The following PEX12 variants were observed in gnomAD, a reference collection of about 807,000 sequenced individuals.
PEX12 encodes the protein peroxisomal biogenesis factor 12, also known as peroxisome assembly protein 12.
PEX12 carries 31 observed loss-of-function variants against 32.5 expected under a neutral mutation model. The ratio of observed to expected loss-of-function variants is 0.95; its 90% confidence interval spans 0.72 to 1.29. The LOEUF is 1.29. Ranked by LOEUF, PEX12 falls within the 50% of genes most tolerant of loss-of-function variation. The pLI, the probability that PEX12 is intolerant of heterozygous loss-of-function variation, is 0.00. For synonymous variants in PEX12, 148 were observed against 157.2 expected (o/e 0.94, Z 0.44); for missense variants, 359 against 419.0 (o/e 0.86, Z 1.25).
At position 35,575,409 on chromosome 17, in the gene PEX12, C is replaced by A; in HGVS notation, c.*373G>T. On this transcript the variant is annotated 3_prime_UTR_variant, in exon 3 of 3. Transcript: ENST00000225873. Reference sequence around the variant, plus strand: ...GAAGTCTTGCTACCACCTCACTGTTCACTTTATTTTTTATGCGGTCTAACC... The same window carrying A: ...GAAGTCTTGCTACCACCTCACTGTTAACTTTATTTTTTATGCGGTCTAACC... 1 of 194,608 alleles carries A rather than the reference C, an allele frequency of 5.1e-6. No individual in the cohort carries two copies. The highest frequency in any genetic ancestry group is 1.1e-5 in the Non-Finnish European group (1 of 92,736). 12.1% of individuals were successfully genotyped at this position (194,608 alleles called of 1,614,324 possible).
chr17:35,577,940 T>C lies in PEX12; in HGVS notation c.82A>G (p.Ser28Gly), dbSNP rs1336483300. The change falls in exon 1 of 3, where the codon AGT (serine) becomes GGT (glycine). Residue 28 changes from serine (S) to glycine (G), a missense_variant. Transcript: ENST00000225873. ...PSIFEVVAQD[S>G]LMTAVRPALQ... ...GCGGGTCTCACTGCTGTCATTAAACTGTCCTGTGCTACCACCTCAAAGATG... is the reference window on the plus strand; with the variant it reads ...GCGGGTCTCACTGCTGTCATTAAACCGTCCTGTGCTACCACCTCAAAGATG... 1 of 1,614,216 alleles carries C rather than the reference T, an allele frequency of 6.2e-7. No homozygotes were observed. The highest frequency in any genetic ancestry group is 1.1e-5 in the South Asian group (1 of 91,076).
In PEX12 at chr17:35,578,303, G is replaced by A. The variant is rs770235047; in HGVS notation, c.-282C>T. The A allele has an allele frequency of 2.0e-5, 8 of 402,536 alleles. No individual in the cohort carries two copies. Among genetic ancestry groups the A allele is most frequent in the African/African-American group, 4.1e-5 (2 of 48,360 alleles). The allele number at this position is 402,536 out of a possible 1,614,324, so 24.9% of individuals were successfully genotyped here. On this transcript the variant is annotated 5_prime_UTR_variant, in exon 1 of 3. Coordinates refer to ENST00000225873, the MANE Select transcript of PEX12 (RefSeq NM_000286.3). Reference sequence around the variant, plus strand: ...TTGTCAAATGCTGCACGTCAGGGCAGAGCGTGACTGTGGGGGACAGGTATG... The same window carrying A: ...TTGTCAAATGCTGCACGTCAGGGCAAAGCGTGACTGTGGGGGACAGGTATG...
In PEX12 at chr17:35,576,037, T is replaced by C. The variant is rs1488665920; in HGVS notation, c.825A>G (p.Ser275=). Residue 275 remains serine (S), a synonymous_variant, in exon 3 of 3, where the codon TCA becomes TCG. Transcript: ENST00000225873. ...GTGGTGGAGTAGGCAGGGCAGTCAATGACTTGATGGTTTCTTGATTTTCAG... is the reference window on the plus strand; with the variant it reads ...GTGGTGGAGTAGGCAGGGCAGTCAACGACTTGATGGTTTCTTGATTTTCAG... ...YSSENQETIK[S]LTALPTPPPP... 1 of 1,614,158 alleles carries C rather than the reference T, an allele frequency of 6.2e-7. No homozygotes were observed. Among genetic ancestry groups the C allele is most frequent in the Non-Finnish European group, 8.5e-7 (1 of 1,180,030 alleles).
At chr17:35,576,226 T>C (rs1184810629) in intron 2 of PEX12, 45 bp from the exon 3 acceptor site, 1 of 1,571,856 alleles carries the variant, frequency 6.4e-7, no homozygotes, top group African/African-American at 1.4e-5. Context: ...AAACTTTATT[T>C]AGGTATCATT....
chr17:35,575,562 T>C lies in PEX12; in HGVS notation c.*220A>G, dbSNP rs939380551. On this transcript the variant is annotated 3_prime_UTR_variant, in exon 3 of 3. Coordinates refer to ENST00000225873, the MANE Select transcript of PEX12 (RefSeq NM_000286.3). ...TATCCCCTGCCAGTCCTGATCCTTC[T>C]ACTTTAAGCAGCTTGGTCAACTGTA... is the stretch of plus-strand genomic sequence containing the variant. The C allele has an allele frequency of 3.5e-6, 2 of 577,500 alleles. No individual in the cohort carries two copies. The highest frequency in any genetic ancestry group is 3.7e-5 in the African/African-American group (2 of 53,644). The allele number at this position is 577,500 out of a possible 1,614,324, so 35.8% of individuals were successfully genotyped here.
chr17:35,576,001 G>T lies in PEX12; in HGVS notation c.861C>A (p.His287Gln). ...TALPTPPPPVHLDYNSDSPLL... is the reference protein window; with the variant it reads ...TALPTPPPPVQLDYNSDSPLL... ...GGGGAGAATCAGAGTTATAGTCTAG[G>T]TGTACAGGTGGTGGTGGAGTAGGCA... is the stretch of plus-strand genomic sequence containing the variant. Residue 287 changes from histidine (H) to glutamine (Q), a missense_variant, in exon 3 of 3, where the codon CAC (histidine) becomes CAA (glutamine). Physicochemically the swap from His to Gln is conservative, Grantham distance 24. Coordinates refer to ENST00000225873, the MANE Select transcript of PEX12 (RefSeq NM_000286.3). 6.2e-7 allele frequency: 1 copy of T among 1,614,176 alleles called. No homozygotes were observed.
chr17:35,577,024 T>C lies in PEX12; in HGVS notation c.680+14A>G. 1 of 1,612,628 alleles carries C rather than the reference T, an allele frequency of 6.2e-7. No homozygotes were observed. Among genetic ancestry groups the C allele is most frequent in the South Asian group, 1.1e-5 (1 of 91,050 alleles). ...TTACTAACTAAAGATCTTTTGGAAA[T>C]GTTAAGGCCTTACCTCCTGGCTGGT... On this transcript the variant is annotated intron_variant, in intron 2 of 2. Transcript: ENST00000225873.
In PEX12 at chr17:35,578,394, C is replaced by A; in HGVS notation, c.-373G>T. 1 of 343,856 alleles carries A rather than the reference C, an allele frequency of 2.9e-6. No individual in the cohort carries two copies. Among genetic ancestry groups the A allele is most frequent in the Non-Finnish European group, 5.7e-6 (1 of 174,870 alleles). The allele number at this position is 343,856 out of a possible 1,614,324, so 21.3% of individuals were successfully genotyped here. A position where few individuals can be genotyped will look rare whatever the true frequency, so the allele number is the denominator to read the frequency against. Reference sequence around the variant, plus strand: ...GCCCCCTCCTCCCCAATCGTGAGAGCTCAAAAGCCAGCCGACTCTGAGGAT... The same window carrying A: ...GCCCCCTCCTCCCCAATCGTGAGAGATCAAAAGCCAGCCGACTCTGAGGAT... On this transcript the variant is annotated 5_prime_UTR_variant, in exon 1 of 3. Transcript: ENST00000225873.
rs1199292949 is a variant in PEX12 at position 35,574,931 on chromosome 17, GAAT to G, written c.*848_*850del. The G allele has an allele frequency of 6.6e-6, 1 of 152,482 alleles. No individual in the cohort carries two copies. Among genetic ancestry groups the G allele is most frequent in the African/African-American group, 2.4e-5 (1 of 41,400 alleles). The allele number at this position is 152,482 out of a possible 1,614,324, so 9.4% of individuals were successfully genotyped here. A position where few individuals can be genotyped will look rare whatever the true frequency, so the allele number is the denominator to read the frequency against. ...TTCATAGAAACTTTAGTAATAACCAGAATAATTCATGACACTTTAGCAAACTCT... is the reference window on the plus strand; with the variant it reads ...TTCATAGAAACTTTAGTAATAACCAGAATTCATGACACTTTAGCAAACTCT... On this transcript the variant is annotated 3_prime_UTR_variant, in exon 3 of 3. Coordinates refer to ENST00000225873, the MANE Select transcript of PEX12 (RefSeq NM_000286.3).
At chr17:35,576,327 G>A in intron 2 of PEX12, 146 bp from the exon 3 acceptor site, 2 of 731,566 alleles carry the variant, frequency 2.7e-6, no homozygotes, top group Non-Finnish European at 4.7e-6. Context: ...ATCTCCTTAA[G>A]GATCTATTCT....
At position 35,578,420 on chromosome 17, in the gene PEX12, T is replaced by C. The variant is rs999361292; in HGVS notation, c.-399A>G. The C allele has an allele frequency of 2.1e-5, 7 of 335,380 alleles. No individual in the cohort carries two copies. Among genetic ancestry groups the C allele is most frequent in the African/African-American group, 1.5e-4 (7 of 46,598 alleles). The allele number at this position is 335,380 out of a possible 1,614,324, so 20.8% of individuals were successfully genotyped here. A position where few individuals can be genotyped will look rare whatever the true frequency, so the allele number is the denominator to read the frequency against. ...TCAAAAGCCAGCCGACTCTGAGGAT[T>C]CAGTCGTGCCACTGTGAGCCCGGGA... On this transcript the variant is annotated 5_prime_UTR_variant, in exon 1 of 3. Transcript: ENST00000225873.
rs756528221 is a variant in PEX12 at position 35,577,972 on chromosome 17, T to C, written c.50A>G (p.Gln17Arg). ...HFTAASVADD[Q>R]PSIFEVVAQD... ...TGCTACCACCTCAAAGATGGATGGCTGGTCATCGGCCACAGAAGCAGCTGT... is the reference window on the plus strand; with the variant it reads ...TGCTACCACCTCAAAGATGGATGGCCGGTCATCGGCCACAGAAGCAGCTGT... Residue 17 changes from glutamine (Q) to arginine (R), a missense_variant, in exon 1 of 3, where the codon CAG becomes CGG. Gln to Arg is a conservative substitution (Grantham distance 43). Coordinates refer to ENST00000225873, the MANE Select transcript of PEX12 (RefSeq NM_000286.3). 1.2e-6 allele frequency: 2 copies of C among 1,614,202 alleles called. No individual in the cohort carries two copies. The highest frequency in any genetic ancestry group is 1.7e-5 in the Admixed American group (1 of 60,028).
rs767207001 is a variant in PEX12, at chr17:35,577,369, T to C, written c.349A>G (p.Ile117Val). ...GLPKQQLWKS[I>V]MFLVLLPYLK... ...TAGGGAAGAAGAACCAGGAACATAA[T>C]AGATTTCCAAAGCTGCTGCTTTGGG... Residue 117 changes from isoleucine (I) to valine (V), a missense_variant, in exon 2 of 3, where the codon ATT becomes GTT. Physicochemically the swap from Ile to Val is conservative, Grantham distance 29. Transcript: ENST00000225873. 2.3e-5 allele frequency: 37 copies of C among 1,614,018 alleles called. No individual in the cohort carries two copies. The highest frequency in any genetic ancestry group is 6.7e-5 in the East Asian group (3 of 44,890).
Position 35,578,157 on chromosome 17 carries a change from C to CA in PEX12, c.-137dup, listed in dbSNP as rs1434500198. The CA allele has an allele frequency of 1.1e-5, 12 of 1,127,076 alleles. No individual in the cohort carries two copies. Among genetic ancestry groups the CA allele is most frequent in the Admixed American group, 5.6e-5 (3 of 53,450 alleles). The allele number at this position is 1,127,076 out of a possible 1,614,324, so 69.8% of individuals were successfully genotyped here. On this transcript the variant is annotated 5_prime_UTR_variant, in exon 1 of 3. Coordinates refer to ENST00000225873, the MANE Select transcript of PEX12 (RefSeq NM_000286.3). ...TGCATGATATCTGAAACTCGAAACT[C>CA]AATCTTATGGGCAAAAATGAACTGG...
rs1297778825 is a variant in PEX12 at position 35,574,848 on chromosome 17, C to T, written c.*934G>A. The T allele has an allele frequency of 6.6e-6, 1 of 152,634 alleles. No homozygotes were observed. The highest frequency in any genetic ancestry group is 1.5e-5 in the Non-Finnish European group (1 of 68,036). 9.5% of individuals were successfully genotyped at this position (152,634 alleles called of 1,614,324 possible). On this transcript the variant is annotated 3_prime_UTR_variant, in exon 3 of 3. Transcript: ENST00000225873. ...ACCTCAAGTAATCTTTACATTTCTA[C>T]AAAATCATAACATAGTTCTTTTCCA...
In PEX12 at chr17:35,575,536, A is replaced by C; in HGVS notation, c.*246T>G. The C allele has an allele frequency of 1.9e-6, 1 of 530,566 alleles. No homozygotes were observed. 32.9% of individuals were successfully genotyped at this position (530,566 alleles called of 1,614,324 possible). A position where few individuals can be genotyped will look rare whatever the true frequency, so the allele number is the denominator to read the frequency against. ...CTGTTTAATCTCTACACTGGCCCTC[A>C]TATCCCCTGCCAGTCCTGATCCTTC... is the stretch of plus-strand genomic sequence containing the variant. On this transcript the variant is annotated 3_prime_UTR_variant, in exon 3 of 3. Coordinates refer to ENST00000225873, the MANE Select transcript of PEX12 (RefSeq NM_000286.3).
In PEX12 at chr17:35,575,945, A is replaced by C; in HGVS notation, c.917T>G (p.Leu306Arg). The change falls in exon 3 of 3, where the codon CTG becomes CGG. Residue 306 changes from leucine (L) to arginine (R), a missense_variant. Leu to Arg is a moderately radical substitution (Grantham distance 102). Coordinates refer to ENST00000225873, the MANE Select transcript of PEX12 (RefSeq NM_000286.3). ...ATCATTCACCCGGGTTTTACGACAC[A>C]GTGGGCACACAGTCTTCATTTTGGG... ...LLPKMKTVCP[L>R]CRKTRVNDTV... 1 of 1,614,194 alleles carries C rather than the reference A, an allele frequency of 6.2e-7. No individual in the cohort carries two copies. Among genetic ancestry groups the C allele is most frequent in the Non-Finnish European group, 8.5e-7 (1 of 1,180,022 alleles).
rs750345340 is a variant in PEX12, at chr17:35,577,426, G to A, written c.292C>T (p.His98Tyr). 6.2e-7 allele frequency: 1 copy of A among 1,614,176 alleles called. No homozygotes were observed. The highest frequency in any genetic ancestry group is 8.5e-7 in the Non-Finnish European group (1 of 1,180,040). ...GLKRIVMGDT[H>Y]KSQRLASAGL... ...GCACTAGCCAATCTCTGAGACTTGTGAGTGTCCCCCATTACAATTCTCTTT... is the reference window on the plus strand; with the variant it reads ...GCACTAGCCAATCTCTGAGACTTGTAAGTGTCCCCCATTACAATTCTCTTT... The change falls in exon 2 of 3, where the codon CAC (histidine) becomes TAC (tyrosine). Residue 98 changes from histidine (H) to tyrosine (Y), a missense_variant. Transcript: ENST00000225873.
chr17:35,575,775 T>G lies in PEX12; in HGVS notation c.*7A>C. 1 of 1,613,848 alleles carries G rather than the reference T, an allele frequency of 6.2e-7. No homozygotes were observed. Among genetic ancestry groups the G allele is most frequent in the Non-Finnish European group, 8.5e-7 (1 of 1,179,652 alleles). On this transcript the variant is annotated 3_prime_UTR_variant, in exon 3 of 3. Transcript: ENST00000225873. ...CTTTTGTTGTGAGGATAAGACATGA[T>G]TCCCTTTCAGTTCTCAGGGGAGTAG...
Sources: allele counts gnomAD v4.1 joint callset, GRCh38; gene constraint gnomAD v4.1.1; transcripts MANE v1.5; gene names NCBI Gene and HGNC (gene_info 2026-07-23, HGNC 2026-07-21).